CRACDL: variants seen among roughly 807,000 people sequenced by gnomAD.
CRACDL encodes CRACD-like protein.
A neutral mutation model predicts 70.6 loss-of-function variants in CRACDL; 26 were observed. The ratio of observed to expected loss-of-function variants is 0.37; its 90% confidence interval spans 0.27 to 0.51. CRACDL has a LOEUF of 0.51. Ranked by LOEUF, CRACDL falls within the 20% of genes least tolerant of loss-of-function variation. The pLI, the probability that CRACDL is intolerant of heterozygous loss-of-function variation, is 0.94. For missense variants in CRACDL, 1,283 were observed against 1,376.9 expected, an observed-to-expected ratio of 0.93 and a Z score of 1.08; for synonymous variants, 618 against 615.2, an observed-to-expected ratio of 1.00 and a Z score of -0.07.
At chr2:98,868,345 G>A (rs12615518) in intron 1 of CRACDL, among the ~76,000 whole-genome samples, 4,513 of 148,848 alleles carry the variant, frequency 0.03, 166 homozygotes, top group South Asian at 0.17. Context: ...AGTGATGTGC[G>A]GATATAACCA....
chr2:98,910,293 G>A (rs1191593881), intron 1 of CRACDL, among the ~76,000 whole-genome samples: 1 of 152,120 alleles, frequency 6.6e-6, no homozygotes, highest in African/African-American at 2.4e-5. Context: ...GCCAAGGCGG[G>A]TGAATCACCT....
intron 1 of CRACDL, among the ~76,000 whole-genome samples, chr2:98,878,237 G>A (rs893369780): frequency 1.8e-4 from 27 of 152,232 alleles, no homozygotes; most frequent in East Asian, 9.6e-4. Context: ...ATGAGCCACC[G>A]CACCCGGCCC....
chr2:98,910,043 A>AT (rs1419194776), intron 1 of CRACDL, among the ~76,000 whole-genome samples: 1 of 152,084 alleles, frequency 6.6e-6, no homozygotes, highest in Non-Finnish European at 1.5e-5. Context: ...CACTTTCCCT[A>AT]TAACTTGGCA....
chr2:98,831,024 C>T (rs1443326096), intron 5 of CRACDL, among the ~76,000 whole-genome samples: 1 of 152,174 alleles, frequency 6.6e-6, no homozygotes, highest in Non-Finnish European at 1.5e-5. Flanking sequence ...GACGCTGAAA[C>T]TGCACACAGG....
At position 98,822,214 on chromosome 2, in the gene CRACDL, G is replaced by A. The variant is rs1343254727; in HGVS notation, c.2059C>T (p.Arg687Trp). Residue 687 changes from arginine (R) to tryptophan (W), a missense_variant, in exon 7 of 10, where the codon CGG becomes TGG. Arg to Trp is a moderately radical substitution (Grantham distance 101). This residue lies in a region of CRACDL where 921 missense variants were observed against 881.9 expected (regional missense o/e 1.04). Transcript: ENST00000397899. The surrounding 1 kb of genome is among the most constrained non-coding windows in gnomAD (Gnocchi z 4.9). ...EDRNPFPVKLRSTSLSLKYRD... is the reference protein window; with the variant it reads ...EDRNPFPVKLWSTSLSLKYRD... ...TATTTGAGCGAGAGGGAGGTGGACC[G>A]GAGCTTGACGGGGAAGGGGTTTCTG... is the stretch of plus-strand genomic sequence containing the variant. 2.5e-6 allele frequency: 4 copies of A among 1,608,306 alleles called. No individual in the cohort carries two copies.
At chr2:98,816,083 C>T (rs1704773819) in intron 7 of CRACDL, among the ~76,000 whole-genome samples, 1 of 152,148 alleles carries the variant, frequency 6.6e-6, no homozygotes. Flanking sequence ...AGGAAAGTCC[C>T]AGGAGCTCTG....
chr2:98,849,354 C>T (rs996057019), intron 1 of CRACDL, among the ~76,000 whole-genome samples: 1 of 152,176 alleles, frequency 6.6e-6, no homozygotes, highest in African/African-American at 2.4e-5. Context: ...GGACACCTTG[C>T]AAATGAAAAG....
intron 5 of CRACDL, among the ~76,000 whole-genome samples, chr2:98,832,135 T>C (rs1174498030): frequency 1.3e-5 from 2 of 151,880 alleles, no homozygotes; most frequent in African/African-American, 4.8e-5. Context: ...TTAAAAAAAG[T>C]CACCAAAACC....
chr2:98,801,909 A>G (rs10182723), intron 7 of CRACDL, among the ~76,000 whole-genome samples: 20 of 152,078 alleles, frequency 1.3e-4, no homozygotes, highest in African/African-American at 4.8e-4. Flanking sequence ...GGGGTGGAGA[A>G]TTTTGGTCAA....
intron 1 of CRACDL, among the ~76,000 whole-genome samples, chr2:98,925,568 G>C (rs958735421): frequency 2.6e-5 from 4 of 152,138 alleles, no homozygotes; most frequent in Non-Finnish European, 4.4e-5. Context: ...CAGGCAGAGG[G>C]GCAAAGGCAT....
intron 1 of CRACDL, among the ~76,000 whole-genome samples, chr2:98,927,609 G>GCACT (rs1280773441): frequency 6.6e-6 from 1 of 151,830 alleles, no homozygotes; most frequent in Admixed American, 6.6e-5. Flanking sequence ...GTACGCAAAG[G>GCACT]CACTGATCAG....
At chr2:98,909,695 C>T (rs1708498229) in intron 1 of CRACDL, among the ~76,000 whole-genome samples, 2 of 152,328 alleles carry the variant, frequency 1.3e-5, no homozygotes, top group South Asian at 4.1e-4. Context: ...AGGGAACGGG[C>T]CTGGCACCAA....
intron 3 of CRACDL, among the ~76,000 whole-genome samples, chr2:98,835,555 T>C (rs781097869): frequency 6.6e-6 from 1 of 152,046 alleles, no homozygotes; most frequent in African/African-American, 2.4e-5. Context: ...AAGACTGTCA[T>C]GGATTAAAGC....
At chr2:98,849,011 A>C (rs575297956) in intron 1 of CRACDL, among the ~76,000 whole-genome samples, 1 of 152,356 alleles carries the variant, frequency 6.6e-6, no homozygotes, top group East Asian at 1.9e-4. Context: ...ACTGGGATAC[A>C]GTGACAGATG....
intron 1 of CRACDL, among the ~76,000 whole-genome samples, chr2:98,884,129 G>A (rs536262291): frequency 1.8e-4 from 27 of 152,308 alleles, no homozygotes; most frequent in African/African-American, 3.4e-4. Context: ...TGAGGGGGGC[G>A]GCACGGCAGA....
At chr2:98,871,205 C>A (rs1033627507) in intron 1 of CRACDL, among the ~76,000 whole-genome samples, 3 of 152,202 alleles carry the variant, frequency 2.0e-5, no homozygotes, top group Non-Finnish European at 2.9e-5. Flanking sequence ...GTCAGTGACA[C>A]CCATGTGCAT....
intron 1 of CRACDL, among the ~76,000 whole-genome samples, chr2:98,860,952 C>A (rs1404456092): frequency 2.6e-5 from 4 of 152,176 alleles, no homozygotes; most frequent in African/African-American, 9.7e-5. Flanking sequence ...TTGAACATAA[C>A]TTGCACAAAG....
At chr2:98,876,405 G>A (rs74560319) in intron 1 of CRACDL, among the ~76,000 whole-genome samples, 7,228 of 152,226 alleles carry the variant, frequency 0.047, 319 homozygotes, top group South Asian at 0.17. Context: ...CAGGCCACAC[G>A]GCAGGAGGTA....
intron 1 of CRACDL, among the ~76,000 whole-genome samples, chr2:98,910,997 CT>C: frequency 6.6e-6 from 1 of 152,294 alleles, no homozygotes; most frequent in Non-Finnish European, 1.5e-5. Context: ...TCTAAGACAC[CT>C]TTATTTTTAA....
Sources: allele counts gnomAD v4.1 joint callset (sites outside exome capture counted in the v4.1 genomes callset), GRCh38; gene constraint gnomAD v4.1.1; regional missense constraint gnomAD v4.1.1; non-coding constraint Gnocchi (gnomAD v3.1); transcripts MANE v1.5; gene names NCBI Gene and HGNC (gene_info 2026-07-23, HGNC 2026-07-21).